Variants in VIPR2 observed in about 807,000 individuals in gnomAD.
VIPR2 encodes the protein vasoactive intestinal polypeptide receptor 2.
Under a neutral mutation model 58.0 loss-of-function variants are expected in VIPR2, and 48 were observed. The ratio of observed to expected loss-of-function variants is 0.83; its 90% CI spans 0.66 to 1.05. VIPR2 has a LOEUF of 1.05. Ranked by LOEUF, VIPR2 falls within the 50% of genes least tolerant of loss-of-function variation. The pLI, the probability that VIPR2 is intolerant of heterozygous loss-of-function variation, is 0.00. For synonymous variants in VIPR2, 243 were observed against 235.2 expected (o/e 1.03, Z -0.30); for missense variants, 534 against 558.0 (o/e 0.96, Z 0.43).
In VIPR2 at chr7:159,144,833, T is replaced by C; in HGVS notation, c.-62A>G. 1 of 1,213,894 alleles carries C rather than the reference T, an allele frequency of 8.2e-7. No individual in the cohort carries two copies. Among genetic ancestry groups the C allele is most frequent in the East Asian group, 3.2e-5 (1 of 31,226 alleles). 75.2% of individuals were successfully genotyped at this position (1,213,894 alleles called of 1,614,324 possible). A position where few individuals can be genotyped will look rare whatever the true frequency, so the allele number is the denominator to read the frequency against. On this transcript the variant is annotated 5_prime_UTR_variant, in exon 1 of 13. Coordinates refer to ENST00000262178, the MANE Select transcript of VIPR2 (RefSeq NM_003382.5). ...CCGCCTCCGTCCTAGGTCCCCGCGG[T>C]TCCGCCGCCTCCAGCATGGGCCGGG... is the stretch of plus-strand genomic sequence containing the variant.
At chr7:159,088,361 C>A (rs774926888) in intron 4 of VIPR2, among the ~76,000 whole-genome samples, 1 of 152,128 alleles carries the variant, frequency 6.6e-6, no homozygotes, top group Non-Finnish European at 1.5e-5. Context: ...TATCTGCACA[C>A]CTGCTGTAGC....
At chr7:159,114,801 T>A (rs1256114701) in intron 2 of VIPR2, among the ~76,000 whole-genome samples, 24 of 113,494 alleles carry the variant, frequency 2.1e-4, no homozygotes, top group South Asian at 1.2e-3. Flanking sequence ...AAAGAAAGAA[T>A]AGAAAGAGAG....
chr7:159,045,152 A>G (rs1256656760), intron 5 of VIPR2, among the ~76,000 whole-genome samples: 1 of 152,316 alleles, frequency 6.6e-6, no homozygotes, highest in East Asian at 1.9e-4. Context: ...AGCAGAAAGA[A>G]AACAAAGAAT....
chr7:159,079,895 C>A (rs1382140305), intron 4 of VIPR2, among the ~76,000 whole-genome samples: 2 of 152,234 alleles, frequency 1.3e-5, no homozygotes, highest in Admixed American at 6.5e-5. Context: ...TCAACACATA[C>A]ACTCTCCCAA....
chr7:159,103,956 C>T (rs1010180588), intron 3 of VIPR2, 102 bp from the exon 4 acceptor site: 2 of 991,890 alleles, frequency 2.0e-6, no homozygotes, highest in Non-Finnish European at 3.1e-6. Flanking sequence ...AAATGCTTCC[C>T]ACACCCAGGG....
At chr7:159,136,996 G>C (rs1797257088) in intron 2 of VIPR2, among the ~76,000 whole-genome samples, 1 of 152,116 alleles carries the variant, frequency 6.6e-6, no homozygotes, top group Non-Finnish European at 1.5e-5. Context: ...GGAGAAGGCA[G>C]AGAGGTATGC....
intron 5 of VIPR2, among the ~76,000 whole-genome samples, chr7:159,051,256 G>A (rs1854986965): frequency 6.6e-6 from 1 of 152,142 alleles, no homozygotes; most frequent in South Asian, 2.1e-4. Flanking sequence ...TAAAATACAT[G>A]ACAAAAACAC....
intron 4 of VIPR2, among the ~76,000 whole-genome samples, chr7:159,080,088 A>G (rs1044594505): frequency 1.3e-4 from 20 of 152,238 alleles, no homozygotes; most frequent in African/African-American, 4.3e-4. Flanking sequence ...ATCAGCGGAA[A>G]AAAAGGGAAT....
At chr7:159,043,226 AG>A in intron 5 of VIPR2, 50 bp from the exon 6 acceptor site, 2 of 1,274,174 alleles carry the variant, frequency 1.6e-6, no homozygotes, top group East Asian at 2.6e-5. Flanking sequence ...AAGGGGAGGG[AG>A]GGAGAGAGAA....
At chr7:159,132,851 C>CAGA (rs1563355242) in intron 2 of VIPR2, among the ~76,000 whole-genome samples, 6 of 122,304 alleles carry the variant, frequency 4.9e-5, no homozygotes, top group African/African-American at 8.6e-5. Context: ...GATTGGCATA[C>CAGA]CGATTGATTT....
chr7:159,046,605 T>C (rs1854667853), intron 5 of VIPR2, among the ~76,000 whole-genome samples: 1 of 152,068 alleles, frequency 6.6e-6, no homozygotes, highest in Non-Finnish European at 1.5e-5. Context: ...TAGCTAATGG[T>C]GATAGTTACA....
At chr7:159,064,725 C>G (rs559697763) in intron 4 of VIPR2, among the ~76,000 whole-genome samples, 1 of 152,162 alleles carries the variant, frequency 6.6e-6, no homozygotes, top group Admixed American at 6.5e-5. Flanking sequence ...CATCCAGGGC[C>G]GTCTGCTGGC....
intron 5 of VIPR2, among the ~76,000 whole-genome samples, chr7:159,050,949 G>A (rs192085261): frequency 3.9e-4 from 60 of 152,344 alleles, no homozygotes; most frequent in Admixed American, 3.7e-3. Context: ...AGGTCACGAC[G>A]TACATCTTTA....
chr7:159,086,351 T>C (rs1198791854), intron 4 of VIPR2, among the ~76,000 whole-genome samples: 1 of 152,200 alleles, frequency 6.6e-6, no homozygotes, highest in African/African-American at 2.4e-5. Flanking sequence ...CGTGCTGAGC[T>C]GGGTTGTGGG....
intron 2 of VIPR2, among the ~76,000 whole-genome samples, chr7:159,112,696 G>A (rs112928152): frequency 0.043 from 4,757 of 110,068 alleles, 239 homozygotes; most frequent in African/African-American, 0.17. Flanking sequence ...CGCCTACCTG[G>A]GACCGACCCT....
At chr7:159,104,849 G>A (rs1326942523) in intron 3 of VIPR2, among the ~76,000 whole-genome samples, 2 of 147,828 alleles carry the variant, frequency 1.4e-5, no homozygotes, top group Non-Finnish European at 3.0e-5. Context: ...CTCCTGGCCA[G>A]GCCCTCACCA....
chr7:159,063,306 C>A (rs866407504), intron 4 of VIPR2, among the ~76,000 whole-genome samples: 1 of 152,124 alleles, frequency 6.6e-6, no homozygotes, highest in South Asian at 2.1e-4. Context: ...TGAGGCCCCG[C>A]GAGAATTCGA....
chr7:159,081,786 C>T (rs957502724), intron 4 of VIPR2, among the ~76,000 whole-genome samples: 13 of 152,088 alleles, frequency 8.5e-5, no homozygotes, highest in Non-Finnish European at 1.8e-4. Flanking sequence ...AAAACAACCC[C>T]ATCAAAAAGT....
At chr7:159,086,265 T>C (rs1336382398) in intron 4 of VIPR2, among the ~76,000 whole-genome samples, 1 of 152,218 alleles carries the variant, frequency 6.6e-6, no homozygotes, top group African/African-American at 2.4e-5. Context: ...CAGTGAGAAC[T>C]GTTTTTCCAA....
Sources: gnomAD v4.1 joint callset for allele counts (sites outside exome capture counted in the v4.1 genomes callset) on GRCh38, gnomAD v4.1.1 for gene constraint, MANE v1.5 for transcripts, NCBI Gene and HGNC (gene_info 2026-07-23, HGNC 2026-07-21) for gene names.